Variants in ZBTB7C observed in about 807,000 individuals in gnomAD.
The protein encoded by ZBTB7C is zinc finger and BTB domain containing 7C.
A neutral mutation model predicts 25.7 loss-of-function variants in ZBTB7C; 8 were observed. The observed-to-expected ratio is 0.31, with a 90% CI of 0.18 to 0.56. The LOEUF is 0.56. ZBTB7C is among the 20% of genes least tolerant of loss of function. The probability of loss-of-function intolerance (pLI) is 0.91; values close to 1 mark genes in which losing one functional copy is unlikely to be tolerated. For missense variants in ZBTB7C, 824 were observed against 855.2 expected (o/e 0.96, Z 0.46); for synonymous variants, 394 against 369.0 (o/e 1.07, Z -0.78).
intron 1 of ZBTB7C, among the ~76,000 whole-genome samples, chr18:48,394,806 T>A (rs1285652901): frequency 6.6e-6 from 1 of 152,236 alleles, no homozygotes; most frequent in African/African-American, 2.4e-5. Context: ...TTTGAAATTA[T>A]GAACCCATAA....
chr18:48,370,685 T>C (rs11661742), intron 1 of ZBTB7C, among the ~76,000 whole-genome samples: 16,633 of 152,150 alleles, frequency 0.11, 1,067 homozygotes, highest in Non-Finnish European at 0.14. Flanking sequence ...AGAAGATGTG[T>C]CGATCAAGGT....
At chr18:48,185,292 C>T (rs1252672381) in intron 3 of ZBTB7C, 9 of 442,630 alleles carry the variant, frequency 2.0e-5, no homozygotes, top group Admixed American at 7.6e-5. Context: ...CATTTCTGCC[C>T]GGGCCATGCC....
At chr18:48,372,949 G>A (rs2047422797) in intron 1 of ZBTB7C, among the ~76,000 whole-genome samples, 1 of 152,112 alleles carries the variant, frequency 6.6e-6, no homozygotes, top group Non-Finnish European at 1.5e-5. Flanking sequence ...TGGACATGCT[G>A]GGGCCTTTCC....
At chr18:48,245,763 C>A (rs995599448) in intron 2 of ZBTB7C, among the ~76,000 whole-genome samples, 1 of 151,964 alleles carries the variant, frequency 6.6e-6, no homozygotes, top group Non-Finnish European at 1.5e-5. Flanking sequence ...GAGCTGTGCT[C>A]CAGAAAGCAA....
chr18:48,253,090 G>A (rs149381133), intron 2 of ZBTB7C, among the ~76,000 whole-genome samples: 2 of 152,290 alleles, frequency 1.3e-5, no homozygotes, highest in East Asian at 3.9e-4. Flanking sequence ...TGCTGGAGCA[G>A]TGCCCTGAGC....
chr18:48,275,537 C>T (rs1036172885), intron 2 of ZBTB7C, among the ~76,000 whole-genome samples: 2 of 152,136 alleles, frequency 1.3e-5, no homozygotes, highest in South Asian at 2.1e-4. Flanking sequence ...CCCCAGAGAG[C>T]GACTTGCCCT....
intron 1 of ZBTB7C, among the ~76,000 whole-genome samples, chr18:48,385,270 A>T (rs1335912548): frequency 1.3e-5 from 2 of 152,054 alleles, no homozygotes; most frequent in African/African-American, 4.8e-5. Flanking sequence ...TTTTCAATTT[A>T]GAGTCAATAT....
intron 2 of ZBTB7C, among the ~76,000 whole-genome samples, chr18:48,261,794 T>C (rs1250264247): frequency 1.3e-5 from 2 of 151,774 alleles, no homozygotes; most frequent in African/African-American, 2.4e-5. Flanking sequence ...AACCAGGACA[T>C]GGTGGTCATG....
At chr18:48,316,836 G>A (rs1056285576) in intron 2 of ZBTB7C, among the ~76,000 whole-genome samples, 15 of 152,176 alleles carry the variant, frequency 9.9e-5, no homozygotes, top group African/African-American at 1.7e-4. Flanking sequence ...AAGAGACCTC[G>A]TTCTACGTGG....
chr18:48,406,798 C>G (rs2048292644), intron 1 of ZBTB7C, among the ~76,000 whole-genome samples: 1 of 152,214 alleles, frequency 6.6e-6, no homozygotes, highest in African/African-American at 2.4e-5. Context: ...ACATTGCATC[C>G]AGCTTATTTT....
chr18:48,271,144 T>G (rs1438998535), intron 2 of ZBTB7C, among the ~76,000 whole-genome samples: 2 of 152,176 alleles, frequency 1.3e-5, no homozygotes, highest in African/African-American at 4.8e-5. Context: ...GAAGGCTTCA[T>G]AAGCAAGCTT....
chr18:48,067,055 T>C (rs1029172038), intron 3 of ZBTB7C, among the ~76,000 whole-genome samples: 12 of 152,162 alleles, frequency 7.9e-5, no homozygotes, highest in Admixed American at 7.9e-4. Context: ...TGAGCCAAGA[T>C]TGTGCCACTG....
intron 2 of ZBTB7C, among the ~76,000 whole-genome samples, chr18:48,295,457 C>T (rs1331293392): frequency 1.3e-5 from 2 of 152,114 alleles, no homozygotes; most frequent in Non-Finnish European, 2.9e-5. Context: ...GTGAGGAAGG[C>T]GGGATCCAGT....
intron 4 of ZBTB7C, among the ~76,000 whole-genome samples, chr18:48,038,619 C>T (rs1383326654): frequency 2.0e-5 from 3 of 150,758 alleles, no homozygotes; most frequent in Non-Finnish European, 2.9e-5. Flanking sequence ...CAACCTTGCA[C>T]TGTGTCCTTG....
intron 2 of ZBTB7C, among the ~76,000 whole-genome samples, chr18:48,215,166 T>C (rs1207425035): frequency 6.6e-6 from 1 of 152,234 alleles, no homozygotes; most frequent in Non-Finnish European, 1.5e-5. Context: ...GTCATCCTCA[T>C]TATTCAATCT....
At chr18:48,155,319 T>C (rs1037746158) in intron 3 of ZBTB7C, among the ~76,000 whole-genome samples, 2 of 28,158 alleles carry the variant, frequency 7.1e-5, no homozygotes, top group Admixed American at 4.0e-4. Flanking sequence ...TGTAATATTC[T>C]TTTTTTTTTT....
chr18:48,115,720 T>C (rs899464485), intron 3 of ZBTB7C, among the ~76,000 whole-genome samples: 1 of 152,208 alleles, frequency 6.6e-6, no homozygotes, highest in Non-Finnish European at 1.5e-5. Context: ...CTTTGGGGTA[T>C]ATATCTAGGA....
intron 2 of ZBTB7C, among the ~76,000 whole-genome samples, chr18:48,233,112 G>C (rs1042779072): frequency 6.6e-6 from 1 of 152,208 alleles, no homozygotes; most frequent in African/African-American, 2.4e-5. Context: ...GCATTGGCAG[G>C]TGGGGTCTAA....
At chr18:48,191,597 C>T (rs1029714561) in intron 2 of ZBTB7C, among the ~76,000 whole-genome samples, 6 of 152,298 alleles carry the variant, frequency 3.9e-5, no homozygotes, top group South Asian at 4.1e-4. Context: ...TCACATGGGG[C>T]AGGCACATAA....
Sources: gnomAD v4.1 joint callset for allele counts (sites outside exome capture counted in the v4.1 genomes callset) on GRCh38, gnomAD v4.1.1 for gene constraint, MANE v1.5 for transcripts, NCBI Gene and HGNC (gene_info 2026-07-23, HGNC 2026-07-21) for gene names.